FMN1: variants seen among roughly 807,000 people sequenced by gnomAD.
The protein encoded by FMN1 is formin 1.
In FMN1, 110 loss-of-function variants were observed where a neutral mutation model predicts 132.4. The observed-to-expected ratio is 0.83, with a 90% confidence interval of 0.71 to 0.97. The LOEUF (loss-of-function observed/expected upper bound fraction) is 0.97, where lower values mean the gene tolerates loss of function less well. FMN1 is among the 50% of genes least tolerant of loss of function. FMN1 has a pLI of 0.00. For synonymous variants in FMN1, 722 were observed against 651.7 expected (o/e 1.11, Z -1.64); for missense variants, 1,792 against 1,705.3 (o/e 1.05, Z -0.90).
At chr15:32,975,836 C>T (rs78128669) in intron 7 of FMN1, among the ~76,000 whole-genome samples, 3,807 of 152,158 alleles carry the variant, frequency 0.025, 62 homozygotes, top group Middle Eastern at 0.085. Context: ...CTTCCCCAGG[C>T]CTCCTTTGGG....
intron 16 of FMN1, among the ~76,000 whole-genome samples, chr15:32,864,026 T>A (rs1333226228): frequency 1.3e-5 from 2 of 152,150 alleles, no homozygotes; most frequent in African/African-American, 2.4e-5. Flanking sequence ...ATACTTACAA[T>A]TAATAAAATA....
intron 6 of FMN1, among the ~76,000 whole-genome samples, chr15:33,056,864 T>C (rs2037240551): frequency 6.6e-6 from 1 of 152,134 alleles, no homozygotes; most frequent in South Asian, 2.1e-4. Context: ...AATGAGTTAA[T>C]TTATATTAAG....
intron 5 of FMN1, among the ~76,000 whole-genome samples, chr15:33,083,045 A>C (rs16964739): frequency 0.057 from 8,659 of 151,794 alleles, 809 homozygotes; most frequent in African/African-American, 0.2. Flanking sequence ...TTGCAGGATA[A>C]TTACCCAAAC....
At chr15:32,917,194 G>A (rs970520989) in intron 10 of FMN1, among the ~76,000 whole-genome samples, 2 of 152,176 alleles carry the variant, frequency 1.3e-5, no homozygotes, top group Admixed American at 6.5e-5. Context: ...AGGACCACTC[G>A]GAGGCAAGGC....
intron 4 of FMN1, among the ~76,000 whole-genome samples, chr15:33,115,491 GCC>G (rs11289173): frequency 0.025 from 3,351 of 135,910 alleles, 134 homozygotes; most frequent in African/African-American, 0.09. Context: ...TCATCCTTAA[GCC>G]CCCCCCCCCC....
chr15:32,914,396 G>A (rs2060634357), intron 10 of FMN1, among the ~76,000 whole-genome samples: 1 of 152,116 alleles, frequency 6.6e-6, no homozygotes, highest in Non-Finnish European at 1.5e-5. Context: ...CAGATAATAG[G>A]CTCACAAAAT....
At chr15:33,149,865 T>A in intron 4 of FMN1, 1 of 983,540 alleles carries the variant, frequency 1.0e-6, no homozygotes, top group Non-Finnish European at 1.2e-6. Context: ...ATAATGTATA[T>A]CCACAGAGAC....
intron 3 of FMN1, among the ~76,000 whole-genome samples, chr15:33,179,709 A>G (rs769333028): frequency 4.6e-5 from 7 of 152,224 alleles, no homozygotes; most frequent in Non-Finnish European, 7.3e-5. Context: ...TAACTAGAAA[A>G]TCATGGGTGA....
intron 6 of FMN1, among the ~76,000 whole-genome samples, chr15:33,051,696 G>A (rs1369616932): frequency 6.6e-6 from 1 of 152,100 alleles, no homozygotes; most frequent in South Asian, 2.1e-4. Context: ...GACTGGTTAG[G>A]GAAAAATGCC....
chr15:33,181,869 T>G (rs1028823125), intron 2 of FMN1, among the ~76,000 whole-genome samples: 7 of 151,880 alleles, frequency 4.6e-5, no homozygotes, highest in Non-Finnish European at 7.4e-5. Flanking sequence ...CCACCATGCC[T>G]GGCTAATTTT....
chr15:33,127,508 G>A (rs142695059), intron 4 of FMN1, among the ~76,000 whole-genome samples: 152 of 152,324 alleles, frequency 1.0e-3, no homozygotes, highest in African/African-American at 3.4e-3. Flanking sequence ...AAACCCAAGT[G>A]TAACTTTCCA....
chr15:32,856,698 T>G (rs990441650), intron 17 of FMN1, among the ~76,000 whole-genome samples: 1 of 152,250 alleles, frequency 6.6e-6, no homozygotes, highest in African/African-American at 2.4e-5. Context: ...ATGTATGTCA[T>G]TTGTCAGTAA....
intron 15 of FMN1, among the ~76,000 whole-genome samples, chr15:32,889,475 T>C (rs958097556): frequency 6.6e-6 from 1 of 152,212 alleles, no homozygotes; most frequent in African/African-American, 2.4e-5. Flanking sequence ...CAAGGCACTT[T>C]ATGATCTGGC....
Position 33,153,249 on chromosome 15 carries a change from A to C in FMN1, c.1666T>G (p.Cys556Gly), listed in dbSNP as rs61746221. 12,255 of 1,536,020 alleles carry C rather than the reference A, an allele frequency of 8.0e-3. 871 individuals are homozygous for C. In the African/African-American group the frequency reaches 0.15, roughly 19 times the overall value. The change falls in exon 4 of 21, where the codon TGT (cysteine) becomes GGT (glycine). Residue 556 changes from cysteine to glycine, a missense_variant. By Grantham distance (159) the Cys-to-Gly change is radical. Transcript: ENST00000616417. ...EREAALNDSPCRKSRVFSGCV... is the reference protein window; with the variant it reads ...EREAALNDSPGRKSRVFSGCV... ...CCAGAGAAGACACGGCTCTTTCTAC[A>C]AGGAGAGTCATTAAGAGCAGCTTCC...
chr15:32,797,963 T>C (rs2057344070), intron 19 of FMN1, among the ~76,000 whole-genome samples: 1 of 152,152 alleles, frequency 6.6e-6, no homozygotes, highest in African/African-American at 2.4e-5. Context: ...ATGAAATATA[T>C]CATTTTCCTT....
At chr15:32,934,595 T>C (rs978414610) in intron 9 of FMN1, among the ~76,000 whole-genome samples, 2 of 151,236 alleles carry the variant, frequency 1.3e-5, no homozygotes, top group Non-Finnish European at 2.9e-5. Flanking sequence ...GACAATTTTT[T>C]TCCTTTTTTT....
Position 33,153,994 on chromosome 15 carries a change from C to T in FMN1, c.921G>A (p.Glu307=). Reference sequence around the variant, plus strand: ...GCTTCTCCATCTCATCCTTTTCTGCCTCTGGATGCTTCTCAGGGTCCTGGT... The same window carrying T: ...GCTTCTCCATCTCATCCTTTTCTGCTTCTGGATGCTTCTCAGGGTCCTGGT... ...ESHQDPEKHP[E]AEKDEMEKPA... is the part of the protein sequence containing the mutation. Residue 307 remains glutamate (E), a synonymous_variant, in exon 4 of 21, where the codon GAG becomes GAA. Coordinates refer to ENST00000616417, the MANE Select transcript of FMN1 (RefSeq NM_001277313.2). 1 of 1,536,678 alleles carries T rather than the reference C, an allele frequency of 6.5e-7. No individual in the cohort carries two copies. Among genetic ancestry groups the T allele is most frequent in the Non-Finnish European group, 8.7e-7 (1 of 1,147,032 alleles).
At chr15:33,005,044 T>C (rs1453976933) in intron 7 of FMN1, among the ~76,000 whole-genome samples, 3 of 151,076 alleles carry the variant, frequency 2.0e-5, no homozygotes, top group Non-Finnish European at 4.4e-5. Flanking sequence ...TGTTGTGGGG[T>C]GGGGGTAGCG....
chr15:33,153,002 C>A, intron 4 of FMN1, 46 bp downstream of exon 4: 1 of 1,432,504 alleles, frequency 7.0e-7, no homozygotes, highest in Non-Finnish European at 9.2e-7. Flanking sequence ...TGATAGTTCC[C>A]CAATCAGCCA....
Sources: gnomAD v4.1 joint callset for allele counts (sites outside exome capture counted in the v4.1 genomes callset) on GRCh38, gnomAD v4.1.1 for gene constraint, MANE v1.5 for transcripts, NCBI Gene and HGNC (gene_info 2026-07-23, HGNC 2026-07-21) for gene names.